KIAA0586: variants seen among roughly 807,000 people sequenced by gnomAD.
KIAA0586 encodes the protein protein TALPID3.
KIAA0586 carries 144 observed loss-of-function variants against 169.8 expected under a neutral mutation model. That is an observed-to-expected ratio of 0.85 (90% CI 0.74 to 0.97). KIAA0586 has a LOEUF of 0.97. KIAA0586 is among the 50% of genes least tolerant of loss of function. The pLI, the probability that KIAA0586 is intolerant of heterozygous loss-of-function variation, is 0.00. For missense variants in KIAA0586, 1,854 were observed against 1,823.0 expected (o/e 1.02, Z -0.31); for synonymous variants, 625 against 612.4 (o/e 1.02, Z -0.30).
Position 58,508,636 on chromosome 14 carries a change from T to G in KIAA0586, c.4250T>G (p.Val1417Gly). ...GAGTTGGAGCCAAATTCTAAGCTGGTTCTTCCCACAACACTTCTGACAGCA... is the reference window on the plus strand; with the variant it reads ...GAGTTGGAGCCAAATTCTAAGCTGGGTCTTCCCACAACACTTCTGACAGCA... ...ELELEPNSKL[V>G]LPTTLLTAQE... The change falls in exon 28 of 31, where the codon GTT becomes GGT. Residue 1417 changes from valine to glycine, a missense_variant. Transcript: ENST00000652326. 2 of 1,596,810 alleles carry G rather than the reference T, an allele frequency of 1.3e-6. No individual in the cohort carries two copies. Among genetic ancestry groups the G allele is most frequent in the Non-Finnish European group, 1.7e-6 (2 of 1,171,002 alleles).
chr14:58,433,960 C>CT (rs1423042999), intron 4 of KIAA0586, among the ~76,000 whole-genome samples: 3 of 152,114 alleles, frequency 2.0e-5, no homozygotes, highest in Non-Finnish European at 2.9e-5. Flanking sequence ...GTTCATGCCA[C>CT]TGCACTCCAG....
intron 26 of KIAA0586, 57 bp downstream of exon 26, chr14:58,492,332 A>T: frequency 6.9e-7 from 1 of 1,459,302 alleles, no homozygotes; most frequent in South Asian, 1.4e-5. Context: ...GGAAAAAATT[A>T]AAATATTCTT....
chr14:58,547,729 G>A lies in KIAA0586; in HGVS notation c.4496-52G>A, dbSNP rs527804249. 28 of 1,357,764 alleles carry A rather than the reference G, an allele frequency of 2.1e-5. No individual in the cohort carries two copies. In the East Asian group the frequency reaches 2.1e-4, roughly 10 times the overall value. The allele number at this position is 1,357,764 out of a possible 1,614,324, so 84.1% of individuals were successfully genotyped here. A position where few individuals can be genotyped will look rare whatever the true frequency, so the allele number is the denominator to read the frequency against. ...TATTATTTCGCAAAGCATAAAGCAC[G>A]TAAATACTCAGGTTACGCATGTTGA... On this transcript the variant is annotated intron_variant, in intron 30 of 30. Transcript: ENST00000652326.
the KIAA0586 span, among the ~76,000 whole-genome samples, chr14:58,559,001 C>T: frequency 1.3e-5 from 2 of 152,306 alleles, no homozygotes; most frequent in Non-Finnish European, 2.9e-5. Context: ...CCTTTGGATG[C>T]GGTCCTTATT....
In KIAA0586 at chr14:58,543,865, T is replaced by C. The variant is rs1307874637; in HGVS notation, c.4495+3729T>C. ...TTAGGATGATTTTTACCTCTTTTTT[T>C]TTTAACTTTTATTTTAGGTTTGGGG... On this transcript the variant is annotated intron_variant, in intron 30 of 30. Transcript: ENST00000652326. 8.8e-6 allele frequency: 4 copies of C among 452,450 alleles called. No homozygotes were observed. In the East Asian group the frequency reaches 2.8e-4, roughly 31 times the overall value. The allele number at this position is 452,450 out of a possible 1,614,324, so 28.0% of individuals were successfully genotyped here.
At chr14:58,525,444 T>C (rs79450988) in intron 29 of KIAA0586, among the ~76,000 whole-genome samples, 3,822 of 151,696 alleles carry the variant, frequency 0.025, 166 homozygotes, top group African/African-American at 0.085. Context: ...GCCTCACCCG[T>C]GAAGTGCAAG....
intron 17 of KIAA0586, among the ~76,000 whole-genome samples, chr14:58,470,997 G>C (rs1032227638): frequency 1.3e-5 from 2 of 151,980 alleles, no homozygotes; most frequent in Non-Finnish European, 1.5e-5. Flanking sequence ...GATTACAGGT[G>C]CCTGCCACCA....
downstream of KIAA0586, among the ~76,000 whole-genome samples, chr14:58,554,774 A>T (rs2047233758): frequency 6.6e-6 from 1 of 152,160 alleles, no homozygotes; most frequent in Non-Finnish European, 1.5e-5. Context: ...TTTTTTCTAT[A>T]AACTTTTAAA....
chr14:58,488,728 C>T lies in KIAA0586; in HGVS notation c.3635C>T (p.Ala1212Val), dbSNP rs1330939381. 3 of 1,613,866 alleles carry T rather than the reference C, an allele frequency of 1.9e-6. No homozygotes were observed. Among genetic ancestry groups the T allele is most frequent in the South Asian group, 2.2e-5 (2 of 91,084 alleles). The change falls in exon 24 of 31, where the codon GCC becomes GTC. Residue 1212 changes from alanine (A) to valine (V), a missense_variant. Ala to Val is a moderately conservative substitution (Grantham distance 64). Coordinates refer to ENST00000652326, the MANE Select transcript of KIAA0586 (RefSeq NM_001329943.3). ...PFMPFPAGTK[A>V]PSPSQMPGSD... ...ATGCCATTTCCTGCCGGCACCAAGG[C>T]CCCTTCCCCCTCACAGATGCCAGGT...
intron 4 of KIAA0586, chr14:58,441,378 T>G (rs1229562678): frequency 2.0e-5 from 8 of 397,756 alleles, no homozygotes; most frequent in South Asian, 1.4e-4. Flanking sequence ...TTTTTGTATT[T>G]TTTGTAGAGT....
chr14:58,559,960 G>A, the KIAA0586 span, among the ~76,000 whole-genome samples: 2 of 152,160 alleles, frequency 1.3e-5, no homozygotes, highest in Admixed American at 1.3e-4. Context: ...ACACCAGCCT[G>A]ACTAACATGG....
intron 27 of KIAA0586, among the ~76,000 whole-genome samples, chr14:58,506,311 ATAAT>A (rs2043937024): frequency 1.3e-5 from 2 of 152,220 alleles, no homozygotes; most frequent in African/African-American, 4.8e-5. Context: ...CTTATGTTAG[ATAAT>A]TAAATGAGAA....
At chr14:58,526,217 A>G (rs1217595465) in intron 29 of KIAA0586, among the ~76,000 whole-genome samples, 1 of 152,226 alleles carries the variant, frequency 6.6e-6, no homozygotes, top group Non-Finnish European at 1.5e-5. Flanking sequence ...GCTAAGGGAC[A>G]GACTGCCTCC....
the KIAA0586 span, among the ~76,000 whole-genome samples, chr14:58,556,890 C>A: frequency 3.3e-5 from 5 of 152,146 alleles, no homozygotes; most frequent in Non-Finnish European, 7.4e-5. Context: ...GGATTACAGG[C>A]ATGTGCCACC....
At chr14:58,538,406 A>C (rs192631424) in intron 29 of KIAA0586, among the ~76,000 whole-genome samples, 76 of 152,256 alleles carry the variant, frequency 5.0e-4, no homozygotes, top group African/African-American at 1.6e-3. Context: ...AAATCCACCC[A>C]AAAATTTTTT....
chr14:58,557,391 A>G, the KIAA0586 span, among the ~76,000 whole-genome samples: 4 of 152,212 alleles, frequency 2.6e-5, no homozygotes, highest in African/African-American at 9.7e-5. Context: ...TTTCATCATC[A>G]GTGAGGCAGC....
At chr14:58,500,316 C>T (rs1253548610) in intron 27 of KIAA0586, among the ~76,000 whole-genome samples, 1 of 152,124 alleles carries the variant, frequency 6.6e-6, no homozygotes, top group Non-Finnish European at 1.5e-5. Flanking sequence ...GAACTCACAG[C>T]CATTGAACTA....
intron 29 of KIAA0586, chr14:58,522,102 C>G: frequency 1.5e-6 from 1 of 646,926 alleles, no homozygotes. Context: ...CACATGCTCA[C>G]TGTTCTCCCA....
intron 4 of KIAA0586, among the ~76,000 whole-genome samples, chr14:58,440,676 C>G (rs905129458): frequency 6.6e-6 from 1 of 152,194 alleles, no homozygotes; most frequent in Non-Finnish European, 1.5e-5. Flanking sequence ...ACCTAGAATT[C>G]AGAAAATTCT....
Sources: gnomAD v4.1 joint callset for allele counts (sites outside exome capture counted in the v4.1 genomes callset) on GRCh38, gnomAD v4.1.1 for gene constraint, MANE v1.5 for transcripts, NCBI Gene and HGNC (gene_info 2026-07-23, HGNC 2026-07-21) for gene names.